Variants in DLG2 observed in about 807,000 individuals in gnomAD.
DLG2 encodes discs large MAGUK scaffold protein 2.
Under a neutral mutation model 132.5 loss-of-function variants are expected in DLG2, and 45 were observed. That is an observed-to-expected ratio of 0.34 (90% CI 0.27 to 0.44). The LOEUF (loss-of-function observed/expected upper bound fraction) is 0.44, where lower values mean the gene tolerates loss of function less well. Ranked by LOEUF, DLG2 falls within the 20% of genes least tolerant of loss-of-function variation. The pLI, the probability that DLG2 is intolerant of heterozygous loss-of-function variation, is 1.00. For synonymous variants in DLG2, 424 were observed against 419.6 expected (o/e 1.01, Z -0.13); for missense variants, 1,045 against 1,196.9 (o/e 0.87, Z 1.87).
At chr11:85,444,796 G>T (rs1232623497) in intron 3 of DLG2, among the ~76,000 whole-genome samples, 1 of 152,162 alleles carries the variant, frequency 6.6e-6, no homozygotes, top group African/African-American at 2.4e-5. Flanking sequence ...AGTTAAGTTG[G>T]TACAAAAGTA....
intron 11 of DLG2, among the ~76,000 whole-genome samples, chr11:84,051,679 C>T (rs991428931): frequency 1.0e-4 from 15 of 150,268 alleles, no homozygotes; most frequent in Admixed American, 6.0e-4. Context: ...TGTTAAATGA[C>T]GAGTTACTGG....
At position 84,781,458 on chromosome 11, in the gene DLG2, T is replaced by A. The variant is rs529041595; in HGVS notation, c.358-246727A>T. Among the ~76,000 whole-genome samples the A allele has an allele frequency of 9.2e-5, 14 of 152,108 alleles. No homozygotes were observed. In the East Asian group the frequency reaches 9.7e-4, roughly 11 times the overall value. Reference sequence around the variant, plus strand: ...AATCAAATATTTACTAAGTTTCTATTCTGTTTCAAGCTTTGTGGTAGCATC... The same window carrying A: ...AATCAAATATTTACTAAGTTTCTATACTGTTTCAAGCTTTGTGGTAGCATC... On this transcript the variant is annotated intron_variant, in intron 6 of 27. Transcript: ENST00000376104.
chr11:84,716,704 G>C (rs1245008116), intron 6 of DLG2, among the ~76,000 whole-genome samples: 2 of 147,082 alleles, frequency 1.4e-5, no homozygotes, highest in African/African-American at 4.9e-5. Context: ...ATATGGACAG[G>C]GGCAAAAAAA....
At chr11:83,738,939 G>A (rs2092262294) in intron 18 of DLG2, among the ~76,000 whole-genome samples, 1 of 152,084 alleles carries the variant, frequency 6.6e-6, no homozygotes, top group South Asian at 2.1e-4. Flanking sequence ...GTTGGTGACA[G>A]TGAAGTCCAA....
chr11:85,123,546 G>A (rs1453068945), intron 5 of DLG2, among the ~76,000 whole-genome samples: 1 of 152,094 alleles, frequency 6.6e-6, no homozygotes, highest in East Asian at 1.9e-4. Context: ...ATGACAACTG[G>A]GATAGTGGCA....
intron 4 of DLG2, among the ~76,000 whole-genome samples, chr11:85,177,169 C>T (rs1303933301): frequency 6.6e-6 from 1 of 151,832 alleles, no homozygotes; most frequent in Non-Finnish European, 1.5e-5. Context: ...ATGTTCACTG[C>T]AGCACTATTC....
intron 10 of DLG2, among the ~76,000 whole-genome samples, chr11:84,082,381 C>T (rs1013140529): frequency 5.9e-5 from 9 of 152,034 alleles, no homozygotes; most frequent in South Asian, 2.1e-4. Context: ...TTGAAATGTC[C>T]GTATTTTTCA....
In DLG2 at chr11:85,217,352, T is replaced by C. The variant is rs180814229; in HGVS notation, c.187-62701A>G. Among the ~76,000 whole-genome samples the C allele has an allele frequency of 9.7e-3, 784 of 80,552 alleles. 4 individuals carry two copies. Among genetic ancestry groups the C allele is most frequent in the Non-Finnish European group, 0.017 (565 of 34,082 alleles). 52.8% of individuals were successfully genotyped at this position (80,552 alleles called of 152,430 possible). A position where few individuals can be genotyped will look rare whatever the true frequency, so the allele number is the denominator to read the frequency against. On this transcript the variant is annotated intron_variant, in intron 4 of 27. Coordinates refer to ENST00000376104, the MANE Select transcript of DLG2 (RefSeq NM_001142699.3). ...CACACACACACACACACACAGAGTT[T>C]CAATCATGCACACAGAGTCAATTAT...
chr11:84,788,490 T>A (rs1388010505), intron 6 of DLG2, among the ~76,000 whole-genome samples: 2 of 152,100 alleles, frequency 1.3e-5, no homozygotes, highest in Non-Finnish European at 2.9e-5. Context: ...TCCACATACA[T>A]TCATACCTTT....
At chr11:84,394,280 A>G (rs1423277075) in intron 7 of DLG2, among the ~76,000 whole-genome samples, 2 of 151,358 alleles carry the variant, frequency 1.3e-5, no homozygotes, top group Non-Finnish European at 2.9e-5. Context: ...CCTTCTGCCT[A>G]TGGGGCATTT....
chr11:83,497,565 AC>A (rs1232946183), intron 21 of DLG2, among the ~76,000 whole-genome samples: 2 of 151,922 alleles, frequency 1.3e-5, no homozygotes, highest in African/African-American at 4.8e-5. Flanking sequence ...AAAAAACAAA[AC>A]AAAACCCACA....
intron 3 of DLG2, among the ~76,000 whole-genome samples, chr11:85,508,765 T>C (rs895450311): frequency 1.3e-5 from 2 of 152,032 alleles, no homozygotes; most frequent in African/African-American, 2.4e-5. Context: ...TACTTTGAAA[T>C]TGTATTAAGT....
At chr11:84,341,358 G>GA (rs1451840852) in intron 7 of DLG2, among the ~76,000 whole-genome samples, 8 of 151,892 alleles carry the variant, frequency 5.3e-5, no homozygotes, top group Admixed American at 5.2e-4. Context: ...ACTAATAAAA[G>GA]AAAAAAATGG....
intron 6 of DLG2, among the ~76,000 whole-genome samples, chr11:84,795,398 G>C (rs900301408): frequency 6.6e-6 from 1 of 151,884 alleles, no homozygotes; most frequent in African/African-American, 2.4e-5. Flanking sequence ...CACTTGACAC[G>C]ACACCTTGTC....
chr11:84,811,017 A>C (rs2076495570), intron 6 of DLG2, among the ~76,000 whole-genome samples: 1 of 152,124 alleles, frequency 6.6e-6, no homozygotes, highest in Non-Finnish European at 1.5e-5. Flanking sequence ...GACTGTGTAA[A>C]TATTTTGATT....
chr11:84,718,441 C>G (rs1339774710), intron 6 of DLG2, among the ~76,000 whole-genome samples: 1 of 151,892 alleles, frequency 6.6e-6, no homozygotes, highest in Non-Finnish European at 1.5e-5. Context: ...AAAGTGTGTG[C>G]TTGAAATTAT....
intron 11 of DLG2, 66 bp from the exon 12 acceptor site, chr11:83,980,708 G>C: frequency 1.4e-6 from 2 of 1,404,088 alleles, no homozygotes; most frequent in Non-Finnish European, 1.9e-6. Context: ...AGAAAATGCA[G>C]TTAGCCACAT....
At chr11:85,205,876 T>C (rs890603939) in intron 4 of DLG2, among the ~76,000 whole-genome samples, 1 of 152,188 alleles carries the variant, frequency 6.6e-6, no homozygotes, top group Non-Finnish European at 1.5e-5. Flanking sequence ...TTGTTCTACA[T>C]TTTTTCAAAT....
chr11:85,578,396 C>T (rs779122914), intron 3 of DLG2, among the ~76,000 whole-genome samples: 34 of 152,238 alleles, frequency 2.2e-4, no homozygotes, highest in South Asian at 2.1e-4. Flanking sequence ...CAAGTGGGAT[C>T]TAATTAAACT....
Sources: allele counts gnomAD v4.1 joint callset (sites outside exome capture counted in the v4.1 genomes callset), GRCh38; gene constraint gnomAD v4.1.1; transcripts MANE v1.5; gene names NCBI Gene and HGNC (gene_info 2026-07-23, HGNC 2026-07-21).